Variants in NEK1 observed in about 807,000 individuals in gnomAD.
NEK1 encodes the protein serine/threonine-protein kinase Nek1.
NEK1 carries 137 observed loss-of-function variants against 182.1 expected under a neutral mutation model. The observed-to-expected ratio is 0.75, with a 90% confidence interval of 0.65 to 0.87. NEK1 has a LOEUF of 0.87. Ranked by LOEUF, NEK1 falls within the 40% of genes least tolerant of loss-of-function variation. The probability of loss-of-function intolerance (pLI) is 0.00; values close to 1 mark genes in which losing one functional copy is unlikely to be tolerated. For synonymous variants in NEK1, 513 were observed against 492.2 expected, an observed-to-expected ratio of 1.04 and a Z score of -0.56; for missense variants, 1,391 against 1,494.4, an observed-to-expected ratio of 0.93 and a Z score of 1.14.
chr4:169,506,870 CAGAG>C (rs1753352169), intron 23 of NEK1, 163 bp downstream of exon 23: 1 of 385,690 alleles, frequency 2.6e-6, no homozygotes. Flanking sequence ...GCGAGAGAGA[CAGAG>C]AGACTGAGAA....
intron 27 of NEK1, among the ~76,000 whole-genome samples, chr4:169,441,728 G>A (rs1487613201): frequency 2.0e-5 from 3 of 151,662 alleles, no homozygotes; most frequent in Admixed American, 2.0e-4. Flanking sequence ...CAGGGGCTTG[G>A]GAAAGGGCCC....
At chr4:169,586,635 A>T (rs1385093384) in intron 9 of NEK1, among the ~76,000 whole-genome samples, 11 of 152,072 alleles carry the variant, frequency 7.2e-5, no homozygotes, top group Non-Finnish European at 1.3e-4. Context: ...TGTTGCAGAA[A>T]AACTGATCAA....
At chr4:169,448,453 C>G (rs1741017422) in intron 27 of NEK1, among the ~76,000 whole-genome samples, 1 of 150,850 alleles carries the variant, frequency 6.6e-6, no homozygotes, top group Admixed American at 6.6e-5. Context: ...AACAGATACG[C>G]AAAAAAATAA....
At position 169,454,387 on chromosome 4, in the gene NEK1, A is replaced by T. The variant is rs569268652; in HGVS notation, c.2587+8856T>A. ...GGCAAAAGAAACTACCATCATAGTC[A>T]ACAGTCAACCTACAGAATGGGAGAA... On this transcript the variant is annotated intron_variant, in intron 27 of 35. Transcript: ENST00000507142. 2.0e-5 allele frequency among the ~76,000 whole-genome samples: 3 copies of T among 152,350 alleles called. No individual in the cohort carries two copies. The East Asian group carries it at 5.8e-4, about 29-fold the overall frequency.
At chr4:169,508,915 G>C (rs1753752502) in intron 19 of NEK1, 63 bp from the exon 20 acceptor site, 8 of 1,277,034 alleles carry the variant, frequency 6.3e-6, no homozygotes, top group Non-Finnish European at 7.6e-6. Flanking sequence ...ATCTTACCAA[G>C]GAATATCCAG....
chr4:169,490,308 C>T (rs942414914), intron 23 of NEK1, among the ~76,000 whole-genome samples: 1 of 152,054 alleles, frequency 6.6e-6, no homozygotes, highest in African/African-American at 2.4e-5. Context: ...CTCAACTGAC[C>T]CCCTAGCAAT....
chr4:169,485,916 G>A (rs1477143445), intron 23 of NEK1, among the ~76,000 whole-genome samples: 6 of 151,488 alleles, frequency 4.0e-5, no homozygotes, highest in Admixed American at 6.6e-5. Context: ...GTATGGTGAC[G>A]TGTGCTAAGG....
chr4:169,555,453 G>A, intron 18 of NEK1: 1 of 382,304 alleles, frequency 2.6e-6, no homozygotes, highest in South Asian at 2.7e-5. Flanking sequence ...AATTATGTTG[G>A]CAGAATGTTA....
At chr4:169,407,147 T>C (rs182317198) in intron 31 of NEK1, among the ~76,000 whole-genome samples, 1 of 152,262 alleles carries the variant, frequency 6.6e-6, no homozygotes, top group Non-Finnish European at 1.5e-5. Flanking sequence ...CTAGAAACTA[T>C]CTGTTTTCTC....
chr4:169,599,531 T>C (rs1042491718), intron 4 of NEK1, among the ~76,000 whole-genome samples: 2 of 152,234 alleles, frequency 1.3e-5, no homozygotes, highest in Non-Finnish European at 2.9e-5. Flanking sequence ...ATGTCACACA[T>C]AAAATCATGT....
intron 27 of NEK1, among the ~76,000 whole-genome samples, chr4:169,460,160 A>G (rs916379521): frequency 7.9e-5 from 12 of 151,954 alleles, no homozygotes; most frequent in African/African-American, 2.7e-4. Context: ...TTTTCACTCA[A>G]TTTTGCTACG....
chr4:169,538,733 T>C (rs566085615), intron 18 of NEK1, among the ~76,000 whole-genome samples: 73 of 152,204 alleles, frequency 4.8e-4, no homozygotes, highest in African/African-American at 1.8e-3. Flanking sequence ...GTGTTTCTAC[T>C]TGTATTTTGG....
At chr4:169,583,433 TCTA>T (rs1264314853) in intron 10 of NEK1, among the ~76,000 whole-genome samples, 1 of 152,186 alleles carries the variant, frequency 6.6e-6, no homozygotes, top group Non-Finnish European at 1.5e-5. Context: ...AAGAATGAAA[TCTA>T]AGTGGTGCTT....
chr4:169,606,535 T>C (rs1293467887), intron 2 of NEK1, among the ~76,000 whole-genome samples: 4 of 152,058 alleles, frequency 2.6e-5, no homozygotes, highest in African/African-American at 9.7e-5. Flanking sequence ...GAGGATAATA[T>C]TAGGACTCAA....
chr4:169,495,115 T>G (rs183097518), intron 23 of NEK1, among the ~76,000 whole-genome samples: 1,902 of 152,240 alleles, frequency 0.012, 39 homozygotes, highest in African/African-American at 0.043. Context: ...TTTGTCAATT[T>G]TGGCTTTTGT....
intron 2 of NEK1, among the ~76,000 whole-genome samples, chr4:169,607,549 A>C (rs1581122844): frequency 6.6e-6 from 1 of 151,858 alleles, no homozygotes; most frequent in South Asian, 2.1e-4. Flanking sequence ...TGCAAGCTCC[A>C]CCTCCCAGGT....
intron 5 of NEK1, among the ~76,000 whole-genome samples, chr4:169,598,726 G>A (rs1032873856): frequency 6.6e-6 from 1 of 152,128 alleles, no homozygotes. Context: ...TGCAGTTGTC[G>A]GTGCAAGGCT....
At chr4:169,473,303 G>C (rs1211167906) in intron 26 of NEK1, among the ~76,000 whole-genome samples, 1 of 151,410 alleles carries the variant, frequency 6.6e-6, no homozygotes, top group Non-Finnish European at 1.5e-5. Context: ...GCTAAACAAT[G>C]GGTAAACATG....
intron 5 of NEK1, among the ~76,000 whole-genome samples, chr4:169,595,598 A>G (rs1211814733): frequency 6.6e-6 from 1 of 152,176 alleles, no homozygotes; most frequent in Non-Finnish European, 1.5e-5. Flanking sequence ...TTTTCATGTA[A>G]TCAGTTATGA....
Sources: gnomAD v4.1 joint callset for allele counts (sites outside exome capture counted in the v4.1 genomes callset) on GRCh38, gnomAD v4.1.1 for gene constraint, MANE v1.5 for transcripts, NCBI Gene and HGNC (gene_info 2026-07-23, HGNC 2026-07-21) for gene names.